Variants in TTC39C observed in about 807,000 individuals in gnomAD.
The protein encoded by TTC39C is tetratricopeptide repeat domain 39C.
In TTC39C, 33 loss-of-function variants were observed where a neutral mutation model predicts 76.3. The observed-to-expected ratio is 0.43, with a 90% CI of 0.33 to 0.58. The LOEUF (loss-of-function observed/expected upper bound fraction) is 0.58. TTC39C is among the 20% of genes least tolerant of loss of function. TTC39C has a pLI of 0.04. For synonymous variants in TTC39C, 254 were observed against 260.6 expected, an observed-to-expected ratio of 0.97 and a Z score of 0.24; for missense variants, 595 against 701.4, an observed-to-expected ratio of 0.85 and a Z score of 1.71.
intron 1 of TTC39C, among the ~76,000 whole-genome samples, chr18:24,015,953 A>G (rs1260589617): frequency 6.6e-6 from 1 of 152,176 alleles, no homozygotes; most frequent in Non-Finnish European, 1.5e-5. Context: ...GACGTTGATT[A>G]GCAGCTTTCC....
chr18:24,096,216 C>T (rs947791346), intron 6 of TTC39C, among the ~76,000 whole-genome samples: 2 of 152,082 alleles, frequency 1.3e-5, no homozygotes, highest in African/African-American at 2.4e-5. Context: ...TTATTCATGG[C>T]AGGGTTGCCA....
At chr18:24,050,659 G>A (rs552239286) in intron 1 of TTC39C, among the ~76,000 whole-genome samples, 2 of 151,876 alleles carry the variant, frequency 1.3e-5, no homozygotes, top group Non-Finnish European at 2.9e-5. Flanking sequence ...ATCACCTGAG[G>A]TCAGGAGTTC....
intron 10 of TTC39C, 65 bp from the exon 11 acceptor site, chr18:24,128,821 A>T: frequency 2.3e-6 from 3 of 1,308,852 alleles, no homozygotes; most frequent in Non-Finnish European, 3.2e-6. Context: ...CTCACTCTTC[A>T]TGATATTGAA....
Position 24,052,604 on chromosome 18 carries a change from G to A in TTC39C, c.168-11536G>A, listed in dbSNP as rs140180621. 5.0e-3 allele frequency among the ~76,000 whole-genome samples: 761 copies of A among 152,070 alleles called. 1 individual carries two copies. The highest frequency in any genetic ancestry group is 7.6e-3 in the Non-Finnish European group (518 of 67,994). Reference sequence around the variant, plus strand: ...AGTTTTCTCTTAGATAACTTTGGTGGAGCCAAGGAACAAACTGGAAAACTA... The same window carrying A: ...AGTTTTCTCTTAGATAACTTTGGTGAAGCCAAGGAACAAACTGGAAAACTA... On this transcript the variant is annotated intron_variant, in intron 1 of 13. Transcript: ENST00000317571.
chr18:24,045,900 T>TATATATATGTATATGTATATGTAC (rs2083864235), intron 1 of TTC39C, among the ~76,000 whole-genome samples: 1 of 38,140 alleles, frequency 2.6e-5, no homozygotes, highest in Non-Finnish European at 4.2e-5. Flanking sequence ...AAAATATATA[T>TATATATATGTATATGTATATGTAC]ATATATATAT....
chr18:24,058,704 T>G (rs980517409), intron 1 of TTC39C, among the ~76,000 whole-genome samples: 3 of 152,092 alleles, frequency 2.0e-5, no homozygotes, highest in African/African-American at 7.2e-5. Context: ...TAAAAAAAGT[T>G]ACTAGAGTAG....
chr18:24,049,401 C>T (rs1424489490), intron 1 of TTC39C, among the ~76,000 whole-genome samples: 4 of 152,214 alleles, frequency 2.6e-5, no homozygotes, highest in Non-Finnish European at 5.9e-5. Flanking sequence ...TATCTCATAG[C>T]CACCTGAAAT....
intron 1 of TTC39C, among the ~76,000 whole-genome samples, chr18:24,063,047 A>G (rs2084118593): frequency 6.6e-6 from 1 of 152,200 alleles, no homozygotes; most frequent in East Asian, 1.9e-4. Context: ...ATCCCTTTTT[A>G]TAGTGACCAT....
intron 1 of TTC39C, among the ~76,000 whole-genome samples, chr18:24,005,891 T>C (rs1193423865): frequency 3.3e-5 from 5 of 151,524 alleles, no homozygotes; most frequent in Admixed American, 2.0e-4. Context: ...AAGTCAGTGG[T>C]TTTCAGTGTA....
intron 1 of TTC39C, among the ~76,000 whole-genome samples, chr18:24,057,802 C>T (rs897398333): frequency 2.6e-5 from 4 of 152,120 alleles, no homozygotes; most frequent in African/African-American, 9.7e-5. Context: ...CCCAGTAATC[C>T]CATGATTGGG....
chr18:24,079,285 C>T (rs1387765612), intron 4 of TTC39C, among the ~76,000 whole-genome samples: 18 of 152,164 alleles, frequency 1.2e-4, no homozygotes, highest in Admixed American at 1.2e-3. Context: ...GTAAGTTGAC[C>T]TCCCCTAGCC....
intron 1 of TTC39C, among the ~76,000 whole-genome samples, chr18:24,043,573 C>T (rs1199886140): frequency 6.6e-6 from 1 of 152,210 alleles, no homozygotes; most frequent in East Asian, 1.9e-4. Context: ...GGGCGCCCTA[C>T]ATGTGTCTTG....
intron 6 of TTC39C, among the ~76,000 whole-genome samples, chr18:24,096,450 T>C (rs186423735): frequency 6.6e-6 from 1 of 152,360 alleles, no homozygotes; most frequent in African/African-American, 2.4e-5. Flanking sequence ...GTTATAATGA[T>C]AGACTCATTT....
chr18:24,020,485 G>T (rs1198948107), intron 1 of TTC39C, among the ~76,000 whole-genome samples: 1 of 152,226 alleles, frequency 6.6e-6, no homozygotes, highest in African/African-American at 2.4e-5. Flanking sequence ...AGTCACATAT[G>T]TAGTTATCCC....
At chr18:23,994,709 A>T (rs533130479) in intron 1 of TTC39C, among the ~76,000 whole-genome samples, 19 of 152,168 alleles carry the variant, frequency 1.2e-4, no homozygotes, top group Non-Finnish European at 2.4e-4. Context: ...GGCTGTTGCT[A>T]CTGAGTGTGA....
intron 2 of TTC39C, 146 bp from the exon 3 acceptor site, chr18:24,065,866 T>A (rs1728486860): frequency 1.3e-6 from 1 of 789,372 alleles, no homozygotes; most frequent in Non-Finnish European, 1.9e-6. Context: ...TTTCTTTGAA[T>A]GAATAGATTA....
chr18:24,002,021 G>A (rs1171775099), intron 1 of TTC39C, among the ~76,000 whole-genome samples: 2 of 152,052 alleles, frequency 1.3e-5, no homozygotes, highest in East Asian at 3.9e-4. Flanking sequence ...TAGAGACGGG[G>A]GGTAATTCTG....
chr18:24,080,569 C>A lies in TTC39C; in HGVS notation c.461-16C>A. On this transcript the variant is annotated splice_polypyrimidine_tract_variant and intron_variant, in intron 4 of 13. Coordinates refer to ENST00000317571, the MANE Select transcript of TTC39C (RefSeq NM_001135993.2). ...TTTTGAATGTTTTTGAATCTTTTCT[C>A]CCCTTCTCTTTTTAGCTTATATCAA... is the stretch of plus-strand genomic sequence containing the variant. The A allele has an allele frequency of 6.5e-7, 1 of 1,538,438 alleles. No homozygotes were observed. Among genetic ancestry groups the A allele is most frequent in the Non-Finnish European group, 8.8e-7 (1 of 1,136,218 alleles).
intron 6 of TTC39C, among the ~76,000 whole-genome samples, chr18:24,098,413 C>CTTCCTTCCTCCCTCCCTCCCTCT (rs1555775898): frequency 2.0e-5 from 2 of 99,722 alleles, no homozygotes; most frequent in Admixed American, 1.0e-4. Flanking sequence ...TCCCTCCCTC[C>CTTCCTTCCTCCCTCCCTCCCTCT]CTCCTTCCTT....
Sources: gnomAD v4.1 joint callset for allele counts (sites outside exome capture counted in the v4.1 genomes callset) on GRCh38, gnomAD v4.1.1 for gene constraint, MANE v1.5 for transcripts, NCBI Gene and HGNC (gene_info 2026-07-23, HGNC 2026-07-21) for gene names.